Variants in NEGR1 observed in about 807,000 individuals in gnomAD.
NEGR1 encodes neuronal growth regulator 1, also known as IgLON family member 4.
A neutral mutation model predicts 40.9 loss-of-function variants in NEGR1; 10 were observed. The observed-to-expected ratio is 0.24, with a 90% CI of 0.15 to 0.42. NEGR1 has a LOEUF of 0.42. NEGR1 is among the 10% of genes least tolerant of loss of function. The pLI is 1.00. For missense variants in NEGR1, 352 were observed against 438.9 expected (o/e 0.80, Z 1.77); for synonymous variants, 185 against 166.8 (o/e 1.11, Z -0.84).
chr1:71,541,489 A>G (rs1353743348), intron 6 of NEGR1, among the ~76,000 whole-genome samples: 1 of 151,790 alleles, frequency 6.6e-6, no homozygotes, highest in Non-Finnish European at 1.5e-5. Context: ...TTGGGGATAT[A>G]TAAATAGTAA....
chr1:71,871,644 T>C (rs1480930911), intron 2 of NEGR1, among the ~76,000 whole-genome samples: 1 of 152,220 alleles, frequency 6.6e-6, no homozygotes, highest in East Asian at 1.9e-4. Context: ...CAAGTTAAGC[T>C]GATCTGCACT....
intron 3 of NEGR1, among the ~76,000 whole-genome samples, chr1:71,741,859 A>T (rs1655223456): frequency 6.6e-6 from 1 of 152,154 alleles, no homozygotes; most frequent in Non-Finnish European, 1.5e-5. Context: ...AAGAGAGAGC[A>T]AGGAGCCACA....
intron 4 of NEGR1, among the ~76,000 whole-genome samples, chr1:71,641,611 T>C (rs1216662545): frequency 6.6e-6 from 1 of 151,822 alleles, no homozygotes; most frequent in Non-Finnish European, 1.5e-5. Flanking sequence ...AGGATGAATA[T>C]GGGTTGGGGG....
At chr1:71,973,870 C>A (rs1570568695) in intron 1 of NEGR1, among the ~76,000 whole-genome samples, 1 of 152,082 alleles carries the variant, frequency 6.6e-6, no homozygotes, top group Non-Finnish European at 1.5e-5. Context: ...TACAAGAATG[C>A]TTCCTTTTTT....
intron 1 of NEGR1, among the ~76,000 whole-genome samples, chr1:72,103,545 C>T (rs768739714): frequency 2.6e-5 from 4 of 152,062 alleles, no homozygotes; most frequent in Non-Finnish European, 5.9e-5. Flanking sequence ...GTCATTATGT[C>T]ACCCTCTCAA....
intron 4 of NEGR1, among the ~76,000 whole-genome samples, chr1:71,612,911 G>T (rs1650309616): frequency 6.6e-6 from 1 of 152,168 alleles, no homozygotes; most frequent in Admixed American, 6.5e-5. Flanking sequence ...CCAATTTTCA[G>T]TGGATTCCAA....
At chr1:71,987,872 G>A (rs1043526998) in intron 1 of NEGR1, among the ~76,000 whole-genome samples, 1 of 152,154 alleles carries the variant, frequency 6.6e-6, no homozygotes, top group Non-Finnish European at 1.5e-5. Flanking sequence ...GAAAGGATGT[G>A]TGTAAACCAA....
At chr1:71,702,386 C>T (rs894491069) in intron 3 of NEGR1, among the ~76,000 whole-genome samples, 2 of 151,994 alleles carry the variant, frequency 1.3e-5, no homozygotes, top group Non-Finnish European at 2.9e-5. Context: ...CATAATATCA[C>T]TGTCATAACT....
intron 6 of NEGR1, among the ~76,000 whole-genome samples, chr1:71,504,818 G>A (rs1251664200): frequency 1.3e-5 from 2 of 152,052 alleles, no homozygotes; most frequent in Non-Finnish European, 2.9e-5. Context: ...ACACTGAAGG[G>A]TCATTCTTAT....
rs139583720 is a variant in NEGR1 at position 72,109,795 on chromosome 1, T to C, written c.176+172524A>G. ...ACAAAGAACAATGAATTTATTGTTA[T>C]GTTTTAAAAAGGAACAAAAAATTGA... On this transcript the variant is annotated intron_variant, in intron 1 of 6. Coordinates refer to ENST00000357731, the MANE Select transcript of NEGR1 (RefSeq NM_173808.3). Among the ~76,000 whole-genome samples the C allele has an allele frequency of 3.8e-3, 581 of 151,858 alleles. 1 individual carries two copies. In the Middle Eastern group the frequency reaches 0.051, roughly 13 times the overall value.
intron 3 of NEGR1, among the ~76,000 whole-genome samples, chr1:71,717,610 A>G (rs1287484324): frequency 6.6e-6 from 1 of 152,240 alleles, no homozygotes; most frequent in African/African-American, 2.4e-5. Context: ...CTGCTTCTAA[A>G]AAGAAATATA....
rs1215858554 is a variant in NEGR1, at chr1:71,515,739, G to T, written c.940+77078C>A. Among the ~76,000 whole-genome samples, 2 of 138,850 alleles carry T rather than the reference G, an allele frequency of 1.4e-5. 1 individual carries two copies. The highest frequency in any genetic ancestry group is 6.0e-5 in the African/African-American group (2 of 33,440). 91.1% of individuals were successfully genotyped at this position (138,850 alleles called of 152,430 possible). A position where few individuals can be genotyped will look rare whatever the true frequency, so the allele number is the denominator to read the frequency against. On this transcript the variant is annotated intron_variant, in intron 6 of 6. Coordinates refer to ENST00000357731, the MANE Select transcript of NEGR1 (RefSeq NM_173808.3). ...ACACATAACAATATTAACTTTAAAT[G>T]TAAGTGGACTAAATGCTCCAATTAA...
chr1:71,561,139 TA>T (rs936297422), intron 6 of NEGR1, among the ~76,000 whole-genome samples: 8 of 151,660 alleles, frequency 5.3e-5, no homozygotes, highest in African/African-American at 1.7e-4. Context: ...TCAAACTCAC[TA>T]AACCATTTAG....
chr1:71,640,363 A>C (rs1376508650), intron 4 of NEGR1, among the ~76,000 whole-genome samples: 1 of 151,932 alleles, frequency 6.6e-6, no homozygotes, highest in East Asian at 1.9e-4. Context: ...AACTGAAACA[A>C]AGGATGCATT....
At chr1:71,469,266 T>G (rs2101353930) in intron 6 of NEGR1, among the ~76,000 whole-genome samples, 1 of 152,202 alleles carries the variant, frequency 6.6e-6, no homozygotes, top group African/African-American at 2.4e-5. Flanking sequence ...GGCATTTATC[T>G]AATTTGTCAC....
chr1:71,899,109 G>T (rs933327467), intron 2 of NEGR1, among the ~76,000 whole-genome samples: 1 of 149,632 alleles, frequency 6.7e-6, no homozygotes, highest in South Asian at 2.1e-4. Flanking sequence ...TTTTAAGGAA[G>T]AATCCACTTT....
At chr1:71,769,326 G>T (rs1052325146) in intron 3 of NEGR1, among the ~76,000 whole-genome samples, 2 of 152,088 alleles carry the variant, frequency 1.3e-5, no homozygotes, top group South Asian at 4.2e-4. Flanking sequence ...AACCTCATTT[G>T]TGAGCAGCTA....
chr1:71,935,013 G>C (rs1645890663), intron 2 of NEGR1, 66 bp downstream of exon 2: 4 of 902,086 alleles, frequency 4.4e-6, no homozygotes, highest in East Asian at 5.2e-5. Context: ...TAGTCATTTT[G>C]ATACCTAAAT....
chr1:72,045,580 TC>T (rs1436480002), intron 1 of NEGR1, among the ~76,000 whole-genome samples: 1 of 151,786 alleles, frequency 6.6e-6, no homozygotes, highest in African/African-American at 2.4e-5. Flanking sequence ...CCTGGTGCCA[TC>T]CATATAAGAT....
Sources: allele counts gnomAD v4.1 joint callset (sites outside exome capture counted in the v4.1 genomes callset), GRCh38; gene constraint gnomAD v4.1.1; transcripts MANE v1.5; gene names NCBI Gene and HGNC (gene_info 2026-07-23, HGNC 2026-07-21).